The following ERBB2 variants were observed in gnomAD, a reference collection of about 807,000 sequenced individuals.
ERBB2 encodes erb-b2 receptor tyrosine kinase 2.
Under a neutral mutation model 149.0 loss-of-function variants are expected in ERBB2, and 61 were observed. The observed-to-expected ratio is 0.41, with a 90% CI of 0.33 to 0.51. The LOEUF (loss-of-function observed/expected upper bound fraction) is 0.51. ERBB2 is among the 20% of genes least tolerant of loss of function. The pLI is 0.25. For synonymous variants in ERBB2, 633 were observed against 678.8 expected (o/e 0.93, Z 1.05); for missense variants, 1,205 against 1,655.1 (o/e 0.73, Z 4.72).
chr17:39,722,370 G>C (rs943452763), intron 16 of ERBB2, among the ~76,000 whole-genome samples: 1 of 152,030 alleles, frequency 6.6e-6, no homozygotes, highest in South Asian at 2.1e-4. Flanking sequence ...GAGTGTGGTG[G>C]CGTGTGTCTG....
chr17:39,715,505 C>G lies in ERBB2; in HGVS notation c.1282C>G (p.Leu428Val), dbSNP rs891454367. 1.9e-6 allele frequency: 3 copies of G among 1,614,096 alleles called. No homozygotes were observed. The highest frequency in any genetic ancestry group is 2.5e-6 in the Non-Finnish European group (3 of 1,180,036). The change falls in exon 11 of 27, where the codon CTG (leucine) becomes GTG (valine). Residue 428 changes from leucine (L) to valine (V), a missense_variant. Leu to Val is a conservative substitution (Grantham distance 32). This residue lies in a region of ERBB2 where 569 missense variants were observed against 803.5 expected (regional missense o/e 0.71). Coordinates refer to ENST00000269571, the MANE Select transcript of ERBB2 (RefSeq NM_004448.4). ...SLPDLSVFQN[L>V]QVIRGRILHN... is the part of the protein sequence containing the mutation. The stretch of plus-strand genomic sequence containing the variant: ...GCCTGACCTCAGCGTCTTCCAGAAC[C>G]TGCAAGTAATCCGGGGACGAATTCT...
chr17:39,708,175 C>T (rs376608456), intron 2 of ERBB2, 146 bp from the exon 3 acceptor site: 18 of 599,894 alleles, frequency 3.0e-5, no homozygotes, highest in East Asian at 1.7e-4. Flanking sequence ...ATCTTTATCT[C>T]TATTTTATCG....
rs2059831997 is a variant in ERBB2 at position 39,727,346 on chromosome 17, C to A, written c.3211C>A (p.Pro1071Thr). ...GCTGGAGCCCTCTGAAGAGGAGGCC[C>A]CCAGGTCTCCACTGGCACCCTCCGA... ...LGLEPSEEEA[P>T]RSPLAPSEGA... is the part of the protein sequence containing the mutation. Residue 1071 changes from proline to threonine, a missense_variant, in exon 26 of 27, where the codon CCC (proline) becomes ACC (threonine). This residue lies in a region of ERBB2 where 312 missense variants were observed against 343.8 expected (regional missense o/e 0.91). Coordinates refer to ENST00000269571, the MANE Select transcript of ERBB2 (RefSeq NM_004448.4). This position sits in a 1 kb window ranked among gnomAD's most constrained non-coding sequence, Gnocchi z 4.3. 6.2e-7 allele frequency: 1 copy of A among 1,611,836 alleles called. No homozygotes were observed.
rs372814123 is a variant in ERBB2, at chr17:39,727,660, T to G, written c.3413-29T>G. 285 of 1,545,972 alleles carry G rather than the reference T, an allele frequency of 1.8e-4. No individual in the cohort carries two copies. The highest frequency in any genetic ancestry group is 2.4e-4 in the Non-Finnish European group (273 of 1,148,148). On this transcript the variant is annotated intron_variant, in intron 26 of 26. Coordinates refer to ENST00000269571, the MANE Select transcript of ERBB2 (RefSeq NM_004448.4). The surrounding 1 kb of genome is among the most constrained non-coding windows in gnomAD (Gnocchi z 4.3). ...GCAGAGACACCGGGGTTCCTTCCCC[T>G]AATGGGTCACCTTCTCTTGACCTTT... is the stretch of plus-strand genomic sequence containing the variant.
At chr17:39,690,709 T>C (rs557332809), upstream of ERBB2, among the ~76,000 whole-genome samples, 1 of 152,322 alleles carries the variant, frequency 6.6e-6, no homozygotes, top group East Asian at 1.9e-4. Context: ...CCTCCTTAGC[T>C]TGTCCTTCTT....
intron 15 of ERBB2, among the ~76,000 whole-genome samples, chr17:39,719,217 C>T (rs1213892369): frequency 2.0e-5 from 3 of 151,618 alleles, no homozygotes; most frequent in Non-Finnish European, 1.5e-5. Context: ...GACGAGATTG[C>T]ACCAGTGCAC....
At chr17:39,712,228 G>T (rs2058845962) in intron 8 of ERBB2, 94 bp from the exon 9 acceptor site, 34 of 1,563,958 alleles carry the variant, frequency 2.2e-5, no homozygotes, top group Non-Finnish European at 3.0e-5. Flanking sequence ...GTCAGTGTGG[G>T]GAGGGGCCCG....
intron 5 of ERBB2, 47 bp from the exon 6 acceptor site, chr17:39,710,038 TG>T: frequency 5.2e-6 from 8 of 1,545,366 alleles, no homozygotes; most frequent in Non-Finnish European, 7.1e-6. Context: ...GATGAGGGTC[TG>T]GTGCCCAGGG....
chr17:39,699,978 G>T, upstream of ERBB2: 1 of 1,260,024 alleles, frequency 7.9e-7, no homozygotes, highest in South Asian at 3.1e-5. Context: ...CTGGGAGCGC[G>T]CTTGCTCCCA....
At chr17:39,691,904 T>TAGATAG (rs1386573320), upstream of ERBB2, among the ~76,000 whole-genome samples, 1 of 114,534 alleles carries the variant, frequency 8.7e-6, no homozygotes, top group African/African-American at 3.4e-5. Flanking sequence ...GATATAGATA[T>TAGATAG]ATATACATAT....
chr17:39,726,742 T>G lies in ERBB2; in HGVS notation c.2971-73T>G, dbSNP rs2143154523. 6.3e-7 allele frequency: 1 copy of G among 1,589,544 alleles called. No individual in the cohort carries two copies. The highest frequency in any genetic ancestry group is 2.2e-5 in the East Asian group (1 of 44,750). On this transcript the variant is annotated intron_variant, in intron 24 of 26. Transcript: ENST00000269571. The surrounding 1 kb of genome is among the most constrained non-coding windows in gnomAD (Gnocchi z 5.1). ...GTGGGAAGGAGAGATGAGTCCAGTATGCCAGGCCCCTCACGGAAGGCTGCA... is the reference window on the plus strand; with the variant it reads ...GTGGGAAGGAGAGATGAGTCCAGTAGGCCAGGCCCCTCACGGAAGGCTGCA...
rs2058827100 is a variant in ERBB2, at chr17:39,712,006, G to T, written c.980G>T (p.Gly327Val). Reference protein sequence around the residue: ...LHNQEVTAEDGTQRCEKCSKP... With the variant: ...LHNQEVTAEDVTQRCEKCSKP... Reference sequence around the variant, plus strand: ...AACCAAGAGGTGACAGCAGAGGATGGAACACAGCGGTGTGAGAAGTGCAGC... The same window carrying T: ...AACCAAGAGGTGACAGCAGAGGATGTAACACAGCGGTGTGAGAAGTGCAGC... The change falls in exon 8 of 27, where the codon GGA becomes GTA. Residue 327 changes from glycine (G) to valine (V), a missense_variant. Physicochemically the swap from Gly to Val is moderately radical, Grantham distance 109. Coordinates refer to ENST00000269571, the MANE Select transcript of ERBB2 (RefSeq NM_004448.4). 1 of 1,614,004 alleles carries T rather than the reference G, an allele frequency of 6.2e-7. No individual in the cohort carries two copies. Among genetic ancestry groups the T allele is most frequent in the Admixed American group, 1.7e-5 (1 of 60,002 alleles).
intron 5 of ERBB2, 99 bp downstream of exon 5, chr17:39,709,980 C>T (rs1282863023): frequency 1.3e-6 from 2 of 1,494,704 alleles, no homozygotes; most frequent in Admixed American, 3.4e-5. Flanking sequence ...GGATAACAGG[C>T]TTGGGATGTC....
intron 2 of ERBB2, chr17:39,707,480 A>G (rs1254331281): frequency 8.7e-6 from 2 of 230,148 alleles, no homozygotes; most frequent in Non-Finnish European, 1.7e-5. Context: ...CTGGTGAGAA[A>G]GGTGGATTAC....
At chr17:39,713,463 A>G (rs149741928) in intron 9 of ERBB2, among the ~76,000 whole-genome samples, 1 of 150,870 alleles carries the variant, frequency 6.6e-6, no homozygotes, top group African/African-American at 2.4e-5. Context: ...ATAAGAAATG[A>G]ATTGGGGCCA....
rs2145818642 is a variant in ERBB2, at chr17:39,723,694, A to G, written c.2208+34A>G. ...CAGGTCCTGGGGTGGGCGGCCCCAG[A>G]GGATGGGGGCGGTGCCTGGAGGGGT... is the stretch of plus-strand genomic sequence containing the variant. On this transcript the variant is annotated intron_variant, in intron 18 of 26. Coordinates refer to ENST00000269571, the MANE Select transcript of ERBB2 (RefSeq NM_004448.4). The surrounding 1 kb of genome is among the most constrained non-coding windows in gnomAD (Gnocchi z 6.2). 6.3e-7 allele frequency: 1 copy of G among 1,587,308 alleles called. No individual in the cohort carries two copies. Among genetic ancestry groups the G allele is most frequent in the Non-Finnish European group, 8.6e-7 (1 of 1,166,760 alleles).
upstream of ERBB2, among the ~76,000 whole-genome samples, chr17:39,694,265 A>G (rs1260889423): frequency 2.5e-3 from 67 of 26,276 alleles, 2 homozygotes; most frequent in African/African-American, 5.8e-3. Flanking sequence ...ATATATATAT[A>G]TATGTGTGTA....
At chr17:39,693,211 A>G (rs2145201506), upstream of ERBB2, 1 of 152,346 alleles carries the variant, frequency 6.6e-6, no homozygotes, top group South Asian at 2.1e-4. Flanking sequence ...GCCACCCCCA[A>G]AATAGCAAGA....
rs1597870048 is a variant in ERBB2, at chr17:39,713,578, C to A, written c.1148+1130C>A. Among the ~76,000 whole-genome samples the A allele has an allele frequency of 4.0e-5, 6 of 151,056 alleles. 1 individual carries two copies. In the South Asian group the frequency reaches 1.3e-3, roughly 32 times the overall value. ...CCAGCCTGGCCAACATGGTGAAACC[C>A]CATCTCTACTAAAAAATATAAAAAA... On this transcript the variant is annotated intron_variant, in intron 9 of 26. Transcript: ENST00000269571.
Sources: allele counts gnomAD v4.1 joint callset (sites outside exome capture counted in the v4.1 genomes callset), GRCh38; gene constraint gnomAD v4.1.1; regional missense constraint gnomAD v4.1.1; non-coding constraint Gnocchi (gnomAD v3.1); transcripts MANE v1.5; gene names NCBI Gene and HGNC (gene_info 2026-07-23, HGNC 2026-07-21).